The following NNT variants were observed in gnomAD, a reference collection of about 807,000 sequenced individuals.
NNT encodes nicotinamide nucleotide transhydrogenase, also known as NAD(P) transhydrogenase, mitochondrial.
NNT carries 50 observed loss-of-function variants against 104.8 expected under a neutral mutation model. That is an observed-to-expected ratio of 0.48 (90% CI 0.38 to 0.60). The LOEUF is 0.60. Among genes scored for constraint, NNT ranks in the 20% least tolerant of loss-of-function variants. The probability of loss-of-function intolerance (pLI) is 0.00; values close to 1 mark genes in which losing one functional copy is unlikely to be tolerated. For synonymous variants in NNT, 461 were observed against 490.4 expected (o/e 0.94, Z 0.79); for missense variants, 1,131 against 1,330.7 (o/e 0.85, Z 2.33).
chr5:43,650,441 C>T, intron 11 of NNT, 36 bp from the exon 12 acceptor site: 4 of 1,434,342 alleles, frequency 2.8e-6, no homozygotes, highest in Non-Finnish European at 3.9e-6. Flanking sequence ...GGTGGTGTCA[C>T]TATCACTATT....
intron 20 of NNT, among the ~76,000 whole-genome samples, chr5:43,702,022 A>G (rs1194817375): frequency 6.6e-6 from 1 of 152,060 alleles, no homozygotes; most frequent in Admixed American, 6.6e-5. Flanking sequence ...TGTCCAATGC[A>G]TGCATAATTT....
At chr5:43,676,325 T>A (rs1375178678) in intron 18 of NNT, among the ~76,000 whole-genome samples, 2 of 152,234 alleles carry the variant, frequency 1.3e-5, no homozygotes, top group Non-Finnish European at 2.9e-5. Context: ...AGATTAAGAT[T>A]TTAACTCTAT....
chr5:43,647,324 T>A (rs1389222960), intron 10 of NNT, among the ~76,000 whole-genome samples: 2 of 152,220 alleles, frequency 1.3e-5, no homozygotes, highest in African/African-American at 4.8e-5. Flanking sequence ...ATGAGTAGGA[T>A]TGTAAATTTC....
intron 7 of NNT, among the ~76,000 whole-genome samples, chr5:43,629,530 T>TA (rs1750566700): frequency 6.6e-6 from 1 of 152,224 alleles, no homozygotes; most frequent in Non-Finnish European, 1.5e-5. Flanking sequence ...AGTTCTACTT[T>TA]AGTTCTTTAA....
chr5:43,644,336 A>T lies in NNT; in HGVS notation c.1098+11A>T. Reference sequence around the variant, plus strand: ...CTCTACATTCATAAGGTATAGCAAGATGCGTTTTCTATCTGTGATCACTTC... The same window carrying T: ...CTCTACATTCATAAGGTATAGCAAGTTGCGTTTTCTATCTGTGATCACTTC... On this transcript the variant is annotated intron_variant, in intron 8 of 21. Coordinates refer to ENST00000344920, the MANE Select transcript of NNT (RefSeq NM_182977.3). 6.2e-7 allele frequency: 1 copy of T among 1,610,296 alleles called. No homozygotes were observed.
At chr5:43,681,042 A>G (rs919915135) in intron 19 of NNT, among the ~76,000 whole-genome samples, 7 of 151,990 alleles carry the variant, frequency 4.6e-5, no homozygotes, top group Middle Eastern at 3.4e-3. Context: ...AGGCAGACCA[A>G]GAGGTCAGGA....
intron 7 of NNT, among the ~76,000 whole-genome samples, chr5:43,637,741 C>G (rs1208436454): frequency 6.6e-6 from 1 of 152,160 alleles, no homozygotes; most frequent in Non-Finnish European, 1.5e-5. Context: ...AAGGAAACTT[C>G]TTTTTCAGAA....
chr5:43,633,759 A>AT (rs1379588319), intron 7 of NNT, among the ~76,000 whole-genome samples: 1 of 151,900 alleles, frequency 6.6e-6, no homozygotes, highest in African/African-American at 2.4e-5. Context: ...AGTTCCTTTC[A>AT]TTTTTTTCAG....
intron 17 of NNT, 30 bp downstream of exon 17, chr5:43,659,380 G>T: frequency 6.5e-7 from 1 of 1,544,392 alleles, no homozygotes; most frequent in South Asian, 1.2e-5. Context: ...TGAAACAAAA[G>T]GAAATGGCTT....
At chr5:43,671,889 G>C (rs1741117217) in intron 17 of NNT, among the ~76,000 whole-genome samples, 1 of 152,134 alleles carries the variant, frequency 6.6e-6, no homozygotes, top group Non-Finnish European at 1.5e-5. Flanking sequence ...TTTCCAACTT[G>C]GTTCCATTCT....
At chr5:43,631,024 A>C (rs1750647268) in intron 7 of NNT, among the ~76,000 whole-genome samples, 2 of 152,188 alleles carry the variant, frequency 1.3e-5, no homozygotes, top group Non-Finnish European at 1.5e-5. Flanking sequence ...ATTGATTGGC[A>C]TCAGATCTGT....
chr5:43,652,124 G>A (rs990985136), intron 13 of NNT, among the ~76,000 whole-genome samples: 13 of 152,094 alleles, frequency 8.5e-5, no homozygotes, highest in Non-Finnish European at 1.9e-4. Context: ...TTATGTCTTT[G>A]TTTTGATACA....
At chr5:43,693,484 CTTGTA>C (rs1208518454) in intron 19 of NNT, among the ~76,000 whole-genome samples, 7 of 152,024 alleles carry the variant, frequency 4.6e-5, no homozygotes, top group Admixed American at 2.0e-4. Flanking sequence ...CAGAAGAATC[CTTGTA>C]ACATTTTGGA....
At chr5:43,668,575 A>G (rs1740852744) in intron 17 of NNT, among the ~76,000 whole-genome samples, 1 of 152,176 alleles carries the variant, frequency 6.6e-6, no homozygotes, top group Non-Finnish European at 1.5e-5. Flanking sequence ...GATTTGTCAA[A>G]GATCAGATGG....
At chr5:43,683,279 A>G (rs897947511) in intron 19 of NNT, among the ~76,000 whole-genome samples, 2 of 152,208 alleles carry the variant, frequency 1.3e-5, no homozygotes, top group Admixed American at 1.3e-4. Flanking sequence ...AGTTGCTAGT[A>G]ATCTCCCAGA....
chr5:43,656,133 A>G, intron 15 of NNT, 60 bp downstream of exon 15: 1 of 1,417,838 alleles, frequency 7.1e-7, no homozygotes, highest in Non-Finnish European at 9.9e-7. Context: ...TTAGGGATCC[A>G]TTTTAATTTC....
chr5:43,675,472 G>T (rs753794934), intron 17 of NNT, 39 bp from the exon 18 acceptor site: 1 of 1,567,606 alleles, frequency 6.4e-7, no homozygotes, highest in Non-Finnish European at 8.7e-7. Flanking sequence ...ACAAAGTTAT[G>T]TGTGTTAAAC....
chr5:43,665,202 G>T (rs1740568927), intron 17 of NNT, among the ~76,000 whole-genome samples: 1 of 142,826 alleles, frequency 7.0e-6, no homozygotes, highest in Non-Finnish European at 1.5e-5. Context: ...TTTTTTTTCT[G>T]GTATTTTATT....
intron 19 of NNT, among the ~76,000 whole-genome samples, chr5:43,691,957 G>A (rs1190574260): frequency 6.6e-6 from 1 of 152,268 alleles, no homozygotes; most frequent in Admixed American, 6.5e-5. Flanking sequence ...ATAAACTATA[G>A]TTTCAATGTA....
Sources: gnomAD v4.1 joint callset for allele counts (sites outside exome capture counted in the v4.1 genomes callset) on GRCh38, gnomAD v4.1.1 for gene constraint, MANE v1.5 for transcripts, NCBI Gene and HGNC (gene_info 2026-07-23, HGNC 2026-07-21) for gene names.